The following UNC13C variants were observed in gnomAD, a reference collection of about 807,000 sequenced individuals.
The protein encoded by UNC13C is unc-13 homolog C.
UNC13C carries 174 observed loss-of-function variants against 245.4 expected under a neutral mutation model. The ratio of observed to expected loss-of-function variants is 0.71; its 90% confidence interval spans 0.63 to 0.80. UNC13C has a LOEUF of 0.80. Among genes scored for constraint, UNC13C ranks in the 30% least tolerant of loss-of-function variants. The pLI is 0.00. For missense variants in UNC13C, 2,829 were observed against 2,602.9 expected, an observed-to-expected ratio of 1.09 and a Z score of -1.89; for synonymous variants, 992 against 895.1, an observed-to-expected ratio of 1.11 and a Z score of -1.93.
the UNC13C span, among the ~76,000 whole-genome samples, chr15:53,957,958 TTTTG>T: frequency 0.032 from 4,927 of 152,266 alleles, 266 homozygotes; most frequent in African/African-American, 0.11. Flanking sequence ...GCTCAGATTT[TTTTG>T]TTTGTTTTTT....
chr15:54,112,851 C>T lies in UNC13C; in HGVS notation c.2984-30167C>T, dbSNP rs28582818. Among the ~76,000 whole-genome samples the T allele has an allele frequency of 6.4e-3, 969 of 152,244 alleles. 13 individuals are homozygous for T. The highest frequency in any genetic ancestry group is 0.022 in the African/African-American group (925 of 41,554). ...GGTTGAGGCCCATGGACAGTACTAC[C>T]CCTAAACATTGCTTTCCCCTAATGC... On this transcript the variant is annotated intron_variant, in intron 2 of 32. Coordinates refer to ENST00000260323, the MANE Select transcript of UNC13C (RefSeq NM_001080534.3).
At chr15:54,622,284 T>C (rs890453888) in intron 30 of UNC13C, 43 bp from the exon 31 acceptor site, 16 of 1,304,444 alleles carry the variant, frequency 1.2e-5, no homozygotes, top group Non-Finnish European at 1.7e-5. Flanking sequence ...CCATTATTAA[T>C]GAGTCTGAAA....
chr15:53,847,613 A>T, the UNC13C span, among the ~76,000 whole-genome samples: 1 of 149,854 alleles, frequency 6.7e-6, no homozygotes, highest in Non-Finnish European at 1.5e-5. Context: ...TGATCTGCCC[A>T]CCTCGGCCTC....
intron 2 of UNC13C, among the ~76,000 whole-genome samples, chr15:54,142,629 T>C (rs1312410797): frequency 2.6e-5 from 4 of 152,206 alleles, no homozygotes; most frequent in Non-Finnish European, 4.4e-5. Context: ...TTAGTCAAAG[T>C]ATTTGTGATT....
chr15:53,917,778 A>G, the UNC13C span, among the ~76,000 whole-genome samples: 6 of 152,254 alleles, frequency 3.9e-5, no homozygotes, highest in African/African-American at 1.4e-4. Context: ...TAGGGTTAGG[A>G]CAACAGGATT....
At chr15:54,234,987 T>C (rs767616674) in intron 4 of UNC13C, 43 bp from the exon 5 acceptor site, 1 of 1,557,436 alleles carries the variant, frequency 6.4e-7, no homozygotes, top group Non-Finnish European at 8.9e-7. Flanking sequence ...TTACAAGAAG[T>C]CATTTTACCC....
intron 1 of UNC13C, among the ~76,000 whole-genome samples, chr15:53,990,291 A>C (rs759423221): frequency 6.6e-6 from 1 of 152,036 alleles, no homozygotes; most frequent in Non-Finnish European, 1.5e-5. Context: ...CAATGGGATC[A>C]TCGATGAAGA....
chr15:54,410,032 C>A (rs1183390319), intron 18 of UNC13C, among the ~76,000 whole-genome samples: 1 of 152,188 alleles, frequency 6.6e-6, no homozygotes, highest in East Asian at 1.9e-4. Context: ...ACCTCACCGG[C>A]ATCTGTTATG....
chr15:54,271,345 G>A (rs1337145632), intron 10 of UNC13C, among the ~76,000 whole-genome samples: 1 of 152,170 alleles, frequency 6.6e-6, no homozygotes, highest in Non-Finnish European at 1.5e-5. Context: ...TTTGCTCTTT[G>A]ATACTGAATT....
At chr15:54,022,787 G>A (rs1895955493) in intron 2 of UNC13C, among the ~76,000 whole-genome samples, 1 of 152,232 alleles carries the variant, frequency 6.6e-6, no homozygotes, top group East Asian at 1.9e-4. Context: ...TGCTTTTGCT[G>A]TCTGTGCTTT....
intron 8 of UNC13C, among the ~76,000 whole-genome samples, chr15:54,260,168 A>C (rs2036387498): frequency 6.6e-6 from 1 of 152,306 alleles, no homozygotes; most frequent in Admixed American, 6.5e-5. Context: ...AGGAATGGAC[A>C]TATATGCAGG....
At chr15:54,323,741 A>G (rs571244577) in intron 14 of UNC13C, among the ~76,000 whole-genome samples, 2 of 152,014 alleles carry the variant, frequency 1.3e-5, no homozygotes, top group Non-Finnish European at 2.9e-5. Context: ...TGTTATAAAA[A>G]CCTCATCTTA....
intron 19 of UNC13C, among the ~76,000 whole-genome samples, chr15:54,448,542 C>G (rs894360507): frequency 2.0e-5 from 3 of 152,174 alleles, no homozygotes; most frequent in Non-Finnish European, 2.9e-5. Context: ...CCTTCTTTGT[C>G]GCTTTTGATC....
intron 2 of UNC13C, among the ~76,000 whole-genome samples, chr15:54,045,045 G>A (rs916264257): frequency 6.6e-6 from 1 of 151,764 alleles, no homozygotes; most frequent in African/African-American, 2.4e-5. Context: ...TTTCTTGATG[G>A]CGTCCTTTGA....
At chr15:54,367,579 A>G (rs2039392524) in intron 17 of UNC13C, among the ~76,000 whole-genome samples, 1 of 152,188 alleles carries the variant, frequency 6.6e-6, no homozygotes, top group Non-Finnish European at 1.5e-5. Flanking sequence ...TATCTGCTCC[A>G]TGAATACTGA....
intron 19 of UNC13C, among the ~76,000 whole-genome samples, chr15:54,420,238 G>T (rs2040610716): frequency 6.6e-6 from 1 of 151,856 alleles, no homozygotes; most frequent in Admixed American, 6.6e-5. Flanking sequence ...GAACTGATGG[G>T]CTGGGGGATT....
At chr15:54,222,801 G>A (rs998257992) in intron 4 of UNC13C, among the ~76,000 whole-genome samples, 2 of 152,074 alleles carry the variant, frequency 1.3e-5, no homozygotes, top group Non-Finnish European at 2.9e-5. Context: ...GGGTTGAGGT[G>A]ATATCACATT....
chr15:53,966,912 A>T, the UNC13C span, among the ~76,000 whole-genome samples: 1 of 152,016 alleles, frequency 6.6e-6, no homozygotes, highest in South Asian at 2.1e-4. Flanking sequence ...TTTATCTTGA[A>T]TTCTTTTTAC....
intron 30 of UNC13C, among the ~76,000 whole-genome samples, chr15:54,580,506 G>A (rs1898151843): frequency 6.6e-6 from 1 of 152,210 alleles, no homozygotes; most frequent in Non-Finnish European, 1.5e-5. Context: ...GCCCAAGCAT[G>A]TGCTCTGGTT....
Sources: gnomAD v4.1 joint callset for allele counts (sites outside exome capture counted in the v4.1 genomes callset) on GRCh38, gnomAD v4.1.1 for gene constraint, MANE v1.5 for transcripts, NCBI Gene and HGNC (gene_info 2026-07-23, HGNC 2026-07-21) for gene names.